MAPRE3: variants seen among roughly 807,000 people sequenced by gnomAD.
MAPRE3 encodes the protein microtubule-associated protein RP/EB family member 3.
A neutral mutation model predicts 30.5 loss-of-function variants in MAPRE3; 2 were observed. The ratio of observed to expected loss-of-function variants is 0.07; its 90% CI spans 0.03 to 0.21. MAPRE3 has a LOEUF of 0.21. MAPRE3 is among the 10% of genes least tolerant of loss of function. The probability of loss-of-function intolerance (pLI) is 1.00; values close to 1 mark genes in which losing one functional copy is unlikely to be tolerated. For missense variants in MAPRE3, 204 were observed against 351.8 expected, an observed-to-expected ratio of 0.58 and a Z score of 3.36; for synonymous variants, 110 against 127.7, an observed-to-expected ratio of 0.86 and a Z score of 0.93.
At chr2:26,996,189 G>C (rs1284331601) in intron 1 of MAPRE3, among the ~76,000 whole-genome samples, 1 of 148,212 alleles carries the variant, frequency 6.7e-6, no homozygotes, top group East Asian at 2.0e-4. Flanking sequence ...GTCTTACTCT[G>C]TTGCCCGGGC....
chr2:27,026,125 T>G (rs1667235734), intron 6 of MAPRE3, 93 bp downstream of exon 6: 1 of 1,513,428 alleles, frequency 6.6e-7, no homozygotes, highest in Non-Finnish European at 9.1e-7. Context: ...TGGAGAACAT[T>G]TACTGATGAG....
chr2:26,986,489 A>G lies in MAPRE3; in HGVS notation c.-8+15687A>G. 6.6e-6 allele frequency: 1 copy of G among 152,236 alleles called. No individual in the cohort carries two copies. Among genetic ancestry groups the G allele is most frequent in the Non-Finnish European group, 1.5e-5 (1 of 68,034 alleles). 9.4% of individuals were successfully genotyped at this position (152,236 alleles called of 1,614,324 possible). A position where few individuals can be genotyped will look rare whatever the true frequency, so the allele number is the denominator to read the frequency against. On this transcript the variant is annotated intron_variant, in intron 1 of 6. Transcript: ENST00000233121. The surrounding 1 kb of genome is among the most constrained non-coding windows in gnomAD (Gnocchi z 4.2). ...CAAAGGAAACACTTCTTTATACAGA[A>G]GTGGTATCCATGGAATGTATTACCT... is the stretch of plus-strand genomic sequence containing the variant.
At chr2:26,995,005 T>TTTG (rs1330387415) in intron 1 of MAPRE3, among the ~76,000 whole-genome samples, 2 of 152,112 alleles carry the variant, frequency 1.3e-5, no homozygotes, top group African/African-American at 2.4e-5. Flanking sequence ...CCCAGCTAAT[T>TTTG]TTGTTGTTGT....
chr2:26,972,903 A>T (rs1039901928), intron 1 of MAPRE3, among the ~76,000 whole-genome samples: 1 of 152,238 alleles, frequency 6.6e-6, no homozygotes, highest in Non-Finnish European at 1.5e-5. Context: ...AACTGCTACT[A>T]TGAGGAAACA....
chr2:27,000,001 G>T (rs1276048876), intron 1 of MAPRE3, among the ~76,000 whole-genome samples: 1 of 152,022 alleles, frequency 6.6e-6, no homozygotes, highest in Non-Finnish European at 1.5e-5. Context: ...TTTTACAACT[G>T]CAGTAAGGAA....
intron 3 of MAPRE3, chr2:27,023,811 G>C (rs150849559): frequency 2.0e-6 from 1 of 505,478 alleles, no homozygotes; most frequent in Admixed American, 3.3e-5. Context: ...CTACTGCCTC[G>C]GTGGCTGCAG....
intron 1 of MAPRE3, chr2:26,984,627 G>A (rs1666182568): frequency 6.6e-6 from 1 of 152,222 alleles, no homozygotes. Flanking sequence ...TGCATATGCA[G>A]CTTCAAGACT....
rs182390619 is a variant in MAPRE3, at chr2:26,987,239, T to C, written c.-8+16437T>C. On this transcript the variant is annotated intron_variant, in intron 1 of 6. Coordinates refer to ENST00000233121, the MANE Select transcript of MAPRE3 (RefSeq NM_012326.4). ...TAATTATTAATGTTTATTTTCATAT[T>C]TACAGATGAAAGACATGCTGAGTTC... 1.8e-3 allele frequency among the ~76,000 whole-genome samples: 275 copies of C among 152,360 alleles called. 1 individual carries two copies. The highest frequency in any genetic ancestry group is 2.3e-3 in the East Asian group (12 of 5,192).
In MAPRE3 at chr2:27,026,048, C is replaced by T. The variant is rs1466964190; in HGVS notation, c.777+16C>T. On this transcript the variant is annotated intron_variant, in intron 6 of 6. Transcript: ENST00000233121. ...TGCCACAGAGGTGAGCACTCCCAGG[C>T]CCATTGGGCCCTCCCCAGTCTGGCC... is the stretch of plus-strand genomic sequence containing the variant. 6.2e-7 allele frequency: 1 copy of T among 1,613,818 alleles called. No homozygotes were observed. Among genetic ancestry groups the T allele is most frequent in the African/African-American group, 1.3e-5 (1 of 75,062 alleles).
intron 1 of MAPRE3, among the ~76,000 whole-genome samples, chr2:26,995,821 G>GTGTGTGTGTGTGTGTGTGTGTA (rs1572753306): frequency 6.7e-6 from 1 of 150,116 alleles, no homozygotes; most frequent in East Asian, 2.0e-4. Context: ...GTGTGTGTGT[G>GTGTGTGTGTGTGTGTGTGTGTA]TGTGTGTGTA....
chr2:26,971,717 G>T (rs1665919641), intron 1 of MAPRE3, among the ~76,000 whole-genome samples: 1 of 151,892 alleles, frequency 6.6e-6, no homozygotes, highest in Admixed American at 6.6e-5. Context: ...GTTTATATAT[G>T]AAGGGGCTGT....
In MAPRE3 at chr2:26,989,554, A is replaced by G. The variant is rs1238986793; in HGVS notation, c.-8+18752A>G. Among the ~76,000 whole-genome samples the G allele has an allele frequency of 3.9e-5, 6 of 152,150 alleles. No homozygotes were observed. The East Asian group carries it at 5.8e-4, about 15-fold the overall frequency. ...AGGTTATTGCTGTTCCCATCGCCCAATCATCAGGTCAGAGTTGGGAATACT... is the reference window on the plus strand; with the variant it reads ...AGGTTATTGCTGTTCCCATCGCCCAGTCATCAGGTCAGAGTTGGGAATACT... On this transcript the variant is annotated intron_variant, in intron 1 of 6. Coordinates refer to ENST00000233121, the MANE Select transcript of MAPRE3 (RefSeq NM_012326.4).
At chr2:26,990,094 G>A (rs1666304122) in intron 1 of MAPRE3, among the ~76,000 whole-genome samples, 1 of 152,174 alleles carries the variant, frequency 6.6e-6, no homozygotes, top group African/African-American at 2.4e-5. Flanking sequence ...CGGGAGGAAC[G>A]CTGGAGCCCA....
intron 1 of MAPRE3, among the ~76,000 whole-genome samples, chr2:26,992,111 A>T (rs1666356230): frequency 1.3e-5 from 2 of 152,220 alleles, no homozygotes; most frequent in Admixed American, 6.5e-5. Flanking sequence ...AGGTATGTTC[A>T]TATTTATTAT....
chr2:27,021,046 A>C (rs1667101263), intron 1 of MAPRE3, among the ~76,000 whole-genome samples: 1 of 152,254 alleles, frequency 6.6e-6, no homozygotes, highest in Non-Finnish European at 1.5e-5. Context: ...TTTCCTAAAC[A>C]ATACAGTATA....
chr2:26,971,914 A>G (rs1317683499), intron 1 of MAPRE3, among the ~76,000 whole-genome samples: 4 of 152,132 alleles, frequency 2.6e-5, no homozygotes, highest in Non-Finnish European at 5.9e-5. Flanking sequence ...TAGGGGTTCT[A>G]GCATATTTGG....
chr2:26,994,290 A>G (rs1369256015), intron 1 of MAPRE3, among the ~76,000 whole-genome samples: 1 of 152,254 alleles, frequency 6.6e-6, no homozygotes, highest in African/African-American at 2.4e-5. Context: ...TCTTCCCTGT[A>G]TCATGGTGGC....
At chr2:26,977,884 A>C (rs1423984716) in intron 1 of MAPRE3, among the ~76,000 whole-genome samples, 1 of 152,218 alleles carries the variant, frequency 6.6e-6, no homozygotes, top group African/African-American at 2.4e-5. Context: ...AGCTCTGAGC[A>C]CTGAGAAAGG....
chr2:27,011,548 G>T (rs1280846369), intron 1 of MAPRE3, among the ~76,000 whole-genome samples: 3 of 152,110 alleles, frequency 2.0e-5, no homozygotes, highest in Non-Finnish European at 4.4e-5. Context: ...TGCTGGTCGA[G>T]ATTAAGGCAA....
Sources: allele counts gnomAD v4.1 joint callset (sites outside exome capture counted in the v4.1 genomes callset), GRCh38; gene constraint gnomAD v4.1.1; non-coding constraint Gnocchi (gnomAD v3.1); transcripts MANE v1.5; gene names NCBI Gene and HGNC (gene_info 2026-07-23, HGNC 2026-07-21).